NPNT: variants seen among roughly 807,000 people sequenced by gnomAD.
NPNT encodes nephronectin.
In NPNT, 45 loss-of-function variants were observed where a neutral mutation model predicts 68.6. The ratio of observed to expected loss-of-function variants is 0.66; its 90% confidence interval spans 0.52 to 0.84. The LOEUF is 0.84. Ranked by LOEUF, NPNT falls within the 40% of genes least tolerant of loss-of-function variation. NPNT has a pLI of 0.00. For missense variants in NPNT, 672 were observed against 714.8 expected (o/e 0.94, Z 0.68); for synonymous variants, 233 against 253.3 (o/e 0.92, Z 0.76).
chr4:105,962,896 T>A (rs1238506698), intron 10 of NPNT, among the ~76,000 whole-genome samples: 1 of 151,784 alleles, frequency 6.6e-6, no homozygotes, highest in African/African-American at 2.4e-5. Flanking sequence ...TGTATGTGTA[T>A]GTGTGTGTGT....
chr4:105,895,651 A>T lies in NPNT; in HGVS notation c.-2A>T. 6.4e-7 allele frequency: 1 copy of T among 1,550,464 alleles called. No individual in the cohort carries two copies. Among genetic ancestry groups the T allele is most frequent in the Non-Finnish European group, 8.7e-7 (1 of 1,147,014 alleles). ...GCTGCGCCCCAGGACCCGCTGCCCA[A>T]CATGGATTTTCTCCTGGCGCTGGTG... On this transcript the variant is annotated 5_prime_UTR_variant, in exon 1 of 12. Coordinates refer to ENST00000379987, the MANE Select transcript of NPNT (RefSeq NM_001033047.3).
intron 2 of NPNT, chr4:105,911,959 A>G (rs1727403651): frequency 2.0e-6 from 1 of 500,002 alleles, no homozygotes; most frequent in South Asian, 2.3e-5. Context: ...GAATAGCATA[A>G]CTTCAATTAT....
At chr4:105,967,911 A>C (rs1195441050) in intron 11 of NPNT, among the ~76,000 whole-genome samples, 2 of 151,734 alleles carry the variant, frequency 1.3e-5, no homozygotes, top group Non-Finnish European at 2.9e-5. Flanking sequence ...TCTTTGTTTC[A>C]GAGATCACAG....
rs527612952 is a variant in NPNT, at chr4:105,936,522, G to A, written c.266-487G>A. 1.4e-3 allele frequency among the ~76,000 whole-genome samples: 213 copies of A among 152,290 alleles called. 1 individual carries two copies. Among genetic ancestry groups the A allele is most frequent in the African/African-American group, 4.5e-3 (187 of 41,566 alleles). ...AAAGTAAAATATTCTCAAAGTCCAA[G>A]CCTTAAGGAGGCCAATGCCTTATCC... On this transcript the variant is annotated intron_variant, in intron 3 of 11. Coordinates refer to ENST00000379987, the MANE Select transcript of NPNT (RefSeq NM_001033047.3).
chr4:105,923,406 T>C (rs1728411240), intron 2 of NPNT, among the ~76,000 whole-genome samples: 1 of 152,186 alleles, frequency 6.6e-6, no homozygotes, highest in African/African-American at 2.4e-5. Flanking sequence ...TACTCATAAC[T>C]CTTCTATCCT....
chr4:105,967,313 G>A lies in NPNT; in HGVS notation c.1471G>A (p.Gly491Arg). The change falls in exon 11 of 12, where the codon GGG (glycine) becomes AGG (arginine). Residue 491 changes from glycine to arginine, a missense_variant. Transcript: ENST00000379987. ...CCTGTCATTCAGGCACAAGGTGACG[G>A]GGCTGCACTCTGGCACACTCCAGGT... The part of the protein sequence containing the change: ...LCLSFRHKVT[G>R]LHSGTLQVFV... 4 of 1,613,880 alleles carry A rather than the reference G, an allele frequency of 2.5e-6. No homozygotes were observed. Among genetic ancestry groups the A allele is most frequent in the Non-Finnish European group, 3.4e-6 (4 of 1,179,928 alleles).
At position 105,942,686 on chromosome 4, in the gene NPNT, C is replaced by T. The variant is rs1202610018; in HGVS notation, c.1143C>T (p.Pro381=). 1 of 1,610,832 alleles carries T rather than the reference C, an allele frequency of 6.2e-7. No individual in the cohort carries two copies. The highest frequency in any genetic ancestry group is 1.3e-5 in the African/African-American group (1 of 74,798). Residue 381 remains proline (P), a synonymous_variant, in exon 8 of 12, where the codon CCC becomes CCT. Coordinates refer to ENST00000379987, the MANE Select transcript of NPNT (RefSeq NM_001033047.3). ...GGGTACAGACAGACCCTCAGAAACCCAGAGGAGATGTGTTCAGTAAGTCTA... is the reference window on the plus strand; with the variant it reads ...GGGTACAGACAGACCCTCAGAAACCTAGAGGAGATGTGTTCAGTAAGTCTA... The part of the protein sequence containing the change: ...DNRVQTDPQK[P]RGDVFIPRQP...
Position 105,970,713 on chromosome 4 carries a change from A to G in NPNT, c.*1723A>G, listed in dbSNP as rs1251027481. The G allele has an allele frequency of 2.3e-5, 10 of 437,964 alleles. No homozygotes were observed. The highest frequency in any genetic ancestry group is 4.2e-5 in the Non-Finnish European group (10 of 235,470). The allele number at this position is 437,964 out of a possible 1,614,324, so 27.1% of individuals were successfully genotyped here. A position where few individuals can be genotyped will look rare whatever the true frequency, so the allele number is the denominator to read the frequency against. ...TTAGATAAAAATTTGTCTATTTAAG[A>G]TGGTTAAAGATGTTCTTACCCAAGG... On this transcript the variant is annotated 3_prime_UTR_variant, in exon 12 of 12. Coordinates refer to ENST00000379987, the MANE Select transcript of NPNT (RefSeq NM_001033047.3).
chr4:105,928,039 T>TTAGGAAG (rs1397809209), intron 3 of NPNT, among the ~76,000 whole-genome samples: 3 of 152,174 alleles, frequency 2.0e-5, no homozygotes, highest in Non-Finnish European at 2.9e-5. Context: ...TACAACAACA[T>TTAGGAAG]TAGGAAGTAG....
Position 105,918,230 on chromosome 4 carries a change from C to T in NPNT, c.173-9106C>T, listed in dbSNP as rs552747322. On this transcript the variant is annotated intron_variant, in intron 2 of 11. Coordinates refer to ENST00000379987, the MANE Select transcript of NPNT (RefSeq NM_001033047.3). Reference sequence around the variant, plus strand: ...GACAAATCTCTGACATCATATTAGTCGAGGCCCAGTAACAAAATTGATTTA... The same window carrying T: ...GACAAATCTCTGACATCATATTAGTTGAGGCCCAGTAACAAAATTGATTTA... Among the ~76,000 whole-genome samples, 7 of 152,210 alleles carry T rather than the reference C, an allele frequency of 4.6e-5. No homozygotes were observed. In the East Asian group the frequency reaches 9.6e-4, roughly 21 times the overall value.
chr4:105,898,328 G>GTCTCTGTC (rs1726083405), intron 2 of NPNT, among the ~76,000 whole-genome samples: 3 of 53,934 alleles, frequency 5.6e-5, no homozygotes, highest in East Asian at 4.8e-4. Flanking sequence ...CTCTCTCTCT[G>GTCTCTGTC]TCTCTCTCTC....
chr4:105,921,176 TATTAAC>T (rs933328005), intron 2 of NPNT, among the ~76,000 whole-genome samples: 3 of 152,202 alleles, frequency 2.0e-5, no homozygotes, highest in Non-Finnish European at 2.9e-5. Flanking sequence ...TTTTAATCAT[TATTAAC>T]ATTCTCTACC....
intron 10 of NPNT, 33 bp from the exon 11 acceptor site, chr4:105,967,155 C>A: frequency 6.2e-7 from 1 of 1,607,240 alleles, no homozygotes; most frequent in Non-Finnish European, 8.5e-7. Context: ...GGGATATTGG[C>A]ACATACACAC....
At chr4:105,929,177 C>T (rs578251457) in intron 3 of NPNT, among the ~76,000 whole-genome samples, 1 of 152,202 alleles carries the variant, frequency 6.6e-6, no homozygotes, top group Admixed American at 6.5e-5. Flanking sequence ...GTTCAACTCC[C>T]ACTTATGAAT....
chr4:105,924,661 G>C (rs1204694303), intron 2 of NPNT, among the ~76,000 whole-genome samples: 1 of 152,074 alleles, frequency 6.6e-6, no homozygotes, highest in Admixed American at 6.6e-5. Context: ...TAACAAAAAA[G>C]GGAGAGGAAA....
At chr4:105,936,089 A>G (rs1389711766) in intron 3 of NPNT, among the ~76,000 whole-genome samples, 2 of 152,172 alleles carry the variant, frequency 1.3e-5, no homozygotes, top group Non-Finnish European at 2.9e-5. Flanking sequence ...TATGAGTTTT[A>G]TGTTCACTTG....
At chr4:105,955,451 A>G (rs775341589) in intron 8 of NPNT, among the ~76,000 whole-genome samples, 1 of 152,230 alleles carries the variant, frequency 6.6e-6, no homozygotes, top group Non-Finnish European at 1.5e-5. Context: ...TTGAGTAACC[A>G]AAATACAAAT....
chr4:105,957,892 G>T (rs1456896211), intron 8 of NPNT, among the ~76,000 whole-genome samples: 1 of 152,176 alleles, frequency 6.6e-6, no homozygotes, highest in African/African-American at 2.4e-5. Flanking sequence ...GTGTATTTTG[G>T]TGGGGTAGAT....
chr4:105,968,638 C>T (rs558702512), intron 11 of NPNT, among the ~76,000 whole-genome samples: 10 of 152,258 alleles, frequency 6.6e-5, no homozygotes, highest in Admixed American at 1.3e-4. Context: ...AATCCTAAAT[C>T]GAATTGGTCT....
Sources: allele counts gnomAD v4.1 joint callset (sites outside exome capture counted in the v4.1 genomes callset), GRCh38; gene constraint gnomAD v4.1.1; transcripts MANE v1.5; gene names NCBI Gene and HGNC (gene_info 2026-07-23, HGNC 2026-07-21).